Variants in DGLUCY observed in about 807,000 individuals in gnomAD.
The protein encoded by DGLUCY is D-glutamate cyclase, mitochondrial.
In DGLUCY, 58 loss-of-function variants were observed where a neutral mutation model predicts 58.5. That is an observed-to-expected ratio of 0.99 (90% CI 0.80 to 1.23). DGLUCY has a LOEUF of 1.23. Ranked by LOEUF, DGLUCY falls within the 50% of genes most tolerant of loss-of-function variation. The pLI, the probability that DGLUCY is intolerant of heterozygous loss-of-function variation, is 0.00. For missense variants in DGLUCY, 779 were observed against 784.7 expected, an observed-to-expected ratio of 0.99 and a Z score of 0.09; for synonymous variants, 325 against 314.1, an observed-to-expected ratio of 1.03 and a Z score of -0.37.
intron 1 of DGLUCY, among the ~76,000 whole-genome samples, chr14:91,137,983 A>G (rs950688441): frequency 1.3e-5 from 2 of 152,128 alleles, no homozygotes; most frequent in African/African-American, 4.8e-5. Context: ...TCTGAGCCCC[A>G]AAAAGACACT....
chr14:91,098,867 A>T (rs1461821154), intron 1 of DGLUCY, among the ~76,000 whole-genome samples: 1 of 152,268 alleles, frequency 6.6e-6, no homozygotes, highest in East Asian at 1.9e-4. Flanking sequence ...AAGCGCAGCA[A>T]CAGTTAATGA....
At chr14:91,098,676 T>G (rs1399123616) in intron 1 of DGLUCY, among the ~76,000 whole-genome samples, 1 of 152,150 alleles carries the variant, frequency 6.6e-6, no homozygotes, top group East Asian at 1.9e-4. Context: ...TCCTGACCAC[T>G]GCTGCAGGCC....
intron 7 of DGLUCY, 119 bp downstream of exon 7, chr14:91,176,175 A>C (rs1480166798): frequency 7.8e-7 from 1 of 1,279,284 alleles, no homozygotes; most frequent in Non-Finnish European, 1.0e-6. Context: ...GAAACAAAAC[A>C]CAAAACAGAG....
At chr14:91,135,604 C>G in intron 1 of DGLUCY, among the ~76,000 whole-genome samples, 1 of 142,534 alleles carries the variant, frequency 7.0e-6, no homozygotes, top group Middle Eastern at 3.6e-3. Flanking sequence ...GAGCCGAGAT[C>G]GAGCCACTGC....
At chr14:91,112,111 T>C (rs2044713123), upstream of DGLUCY, among the ~76,000 whole-genome samples, 1 of 150,898 alleles carries the variant, frequency 6.6e-6, no homozygotes, top group South Asian at 2.1e-4. Context: ...TAGCTGAGTG[T>C]GGTGGCACAT....
At chr14:91,144,421 A>C (rs532297431) in intron 1 of DGLUCY, among the ~76,000 whole-genome samples, 1 of 152,254 alleles carries the variant, frequency 6.6e-6, no homozygotes, top group Non-Finnish European at 1.5e-5. Context: ...TTAGCTGGGC[A>C]TGGTGGAGGG....
intron 5 of DGLUCY, among the ~76,000 whole-genome samples, chr14:91,172,119 G>A (rs2048603529): frequency 6.6e-6 from 1 of 152,002 alleles, no homozygotes; most frequent in South Asian, 2.1e-4. Flanking sequence ...CCAGGCTGGA[G>A]TGGTGCAGTG....
At chr14:91,165,290 G>C (rs548590990) in intron 3 of DGLUCY, 4 of 456,086 alleles carry the variant, frequency 8.8e-6, no homozygotes, top group Non-Finnish European at 1.8e-5. Context: ...CCTGAACACC[G>C]AGGTGCTCAA....
intron 1 of DGLUCY, among the ~76,000 whole-genome samples, chr14:91,150,275 AAC>A (rs1391934596): frequency 6.6e-6 from 1 of 151,324 alleles, no homozygotes; most frequent in Non-Finnish European, 1.5e-5. Flanking sequence ...ACCCACACAA[AAC>A]CTTCCTTTCC....
At chr14:91,167,007 C>T (rs948066941) in intron 3 of DGLUCY, among the ~76,000 whole-genome samples, 1 of 151,488 alleles carries the variant, frequency 6.6e-6, no homozygotes. Flanking sequence ...GGCGTGGTGG[C>T]AGACGCCTGT....
intron 1 of DGLUCY, among the ~76,000 whole-genome samples, chr14:91,135,926 C>CTTTTTT (rs34202137): frequency 3.9e-5 from 2 of 51,180 alleles, no homozygotes; most frequent in African/African-American, 6.7e-5. Context: ...GATACATTAG[C>CTTTTTT]TTTTTTTTTT....
At chr14:91,196,619 C>T in intron 10 of DGLUCY, 145 bp downstream of exon 10, 1 of 660,128 alleles carries the variant, frequency 1.5e-6, no homozygotes, top group Middle Eastern at 4.3e-4. Context: ...ATGGACCAGA[C>T]TAACAAATGA....
chr14:91,218,618 G>A (rs2140766028), intron 13 of DGLUCY, among the ~76,000 whole-genome samples: 1 of 151,990 alleles, frequency 6.6e-6, no homozygotes. Context: ...GGCCAGGCTG[G>A]TCTTGAACTC....
At chr14:91,178,364 A>ATGTT (rs1400913726) in intron 7 of DGLUCY, among the ~76,000 whole-genome samples, 1 of 151,990 alleles carries the variant, frequency 6.6e-6, no homozygotes. Context: ...GGGTCTCACT[A>ATGTT]TGTTGCCCAA....
intron 7 of DGLUCY, among the ~76,000 whole-genome samples, chr14:91,179,006 A>AGAGC (rs1417183211): frequency 6.6e-6 from 1 of 152,174 alleles, no homozygotes; most frequent in Non-Finnish European, 1.5e-5. Flanking sequence ...CCTGGGTGAT[A>AGAGC]GAGCGAGACT....
chr14:91,060,998 A>G (rs1323280905), intron 1 of DGLUCY: 1 of 152,444 alleles, frequency 6.6e-6, no homozygotes, highest in Non-Finnish European at 1.5e-5. Flanking sequence ...TCGATCTGTT[A>G]GTAAACAGTG....
intron 13 of DGLUCY, among the ~76,000 whole-genome samples, chr14:91,221,966 A>C (rs1887584866): frequency 6.6e-6 from 1 of 151,946 alleles, no homozygotes; most frequent in Admixed American, 6.6e-5. Context: ...GCAAGCACCC[A>C]TACACTCAGC....
intron 1 of DGLUCY, among the ~76,000 whole-genome samples, chr14:91,062,793 A>G (rs114808865): frequency 7.9e-4 from 120 of 151,644 alleles, no homozygotes; most frequent in African/African-American, 2.8e-3. Flanking sequence ...TTATCATCAC[A>G]CTAAACCATG....
chr14:91,188,420 G>T (rs1451233233), intron 8 of DGLUCY, among the ~76,000 whole-genome samples: 1 of 152,066 alleles, frequency 6.6e-6, no homozygotes, highest in Non-Finnish European at 1.5e-5. Context: ...AGGGGGCGGG[G>T]GTAGAATACA....
Sources: allele counts gnomAD v4.1 joint callset (sites outside exome capture counted in the v4.1 genomes callset), GRCh38; gene constraint gnomAD v4.1.1; transcripts MANE v1.5; gene names NCBI Gene and HGNC (gene_info 2026-07-23, HGNC 2026-07-21).